PSG11: variants seen among roughly 807,000 people sequenced by gnomAD.
The protein encoded by PSG11 is pregnancy specific beta-1-glycoprotein 11, also known as pregnancy-specific beta-1-glycoprotein 11.
A neutral mutation model predicts 36.0 loss-of-function variants in PSG11; 42 were observed. The ratio of observed to expected loss-of-function variants is 1.17; its 90% CI spans 0.91 to 1.51. The LOEUF (loss-of-function observed/expected upper bound fraction) is 1.51. Among genes scored for constraint, PSG11 ranks in the 40% most tolerant of loss-of-function variants. The probability of loss-of-function intolerance (pLI) is 0.00; values close to 1 mark genes in which losing one functional copy is unlikely to be tolerated. For synonymous variants in PSG11, 206 were observed against 153.5 expected (o/e 1.34, Z -2.53); for missense variants, 558 against 403.5 (o/e 1.38, Z -3.28).
At chr19:43,025,873 G>T (rs867893214) in intron 1 of PSG11, among the ~76,000 whole-genome samples, 13 of 145,742 alleles carry the variant, frequency 8.9e-5, no homozygotes, top group African/African-American at 2.3e-4. Context: ...TGTCCCTCTT[G>T]GGTGTATTTT....
rs186147753 is a variant in PSG11 at position 43,018,354 on chromosome 19, A to G, written c.709+416T>C. The G allele has an allele frequency of 6.2e-4, 208 of 335,814 alleles. 9 individuals carry two copies. The highest frequency in any genetic ancestry group is 3.9e-3 in the African/African-American group (185 of 47,166). The allele number at this position is 335,814 out of a possible 1,614,324, so 20.8% of individuals were successfully genotyped here. On this transcript the variant is annotated intron_variant, in intron 3 of 5. Coordinates refer to ENST00000320078, the MANE Select transcript of PSG11 (RefSeq NM_002785.3). ...ATAGGTGTATGAGGAAGAAATGGTGAGGGCATCCAGGCCATCTGGAGCAAA... is the reference window on the plus strand; with the variant it reads ...ATAGGTGTATGAGGAAGAAATGGTGGGGGCATCCAGGCCATCTGGAGCAAA...
At chr19:43,025,646 G>T (rs2906092) in intron 1 of PSG11, among the ~76,000 whole-genome samples, 2 of 145,942 alleles carry the variant, frequency 1.4e-5, no homozygotes, top group East Asian at 3.9e-4. Context: ...GGCCGTCCAC[G>T]CCCTGGGTGT....
At chr19:43,021,999 C>T (rs942922669) in intron 2 of PSG11, among the ~76,000 whole-genome samples, 1 of 151,376 alleles carries the variant, frequency 6.6e-6, no homozygotes, top group African/African-American at 2.4e-5. Context: ...CAAGGCTAAC[C>T]TTGGGAGAAA....
chr19:43,023,327 G>A (rs1297107458), intron 2 of PSG11, among the ~76,000 whole-genome samples: 1 of 150,826 alleles, frequency 6.6e-6, no homozygotes, highest in Non-Finnish European at 1.5e-5. Flanking sequence ...TGTTATGTGA[G>A]AGCTCCTGAG....
chr19:43,009,871 C>A, intron 5 of PSG11, 87 bp downstream of exon 5: 1 of 1,060,024 alleles, frequency 9.4e-7, no homozygotes, highest in Non-Finnish European at 1.4e-6. Flanking sequence ...AGATCCAGGC[C>A]CAGATACAGG....
chr19:43,018,728 T>G, intron 3 of PSG11, 42 bp downstream of exon 3: 1 of 1,611,948 alleles, frequency 6.2e-7, no homozygotes, highest in Non-Finnish European at 8.5e-7. Flanking sequence ...CATGTGTATT[T>G]GGGATGGCAG....
intron 2 of PSG11, among the ~76,000 whole-genome samples, chr19:43,023,675 G>T (rs190097427): frequency 7.3e-5 from 11 of 151,252 alleles, no homozygotes; most frequent in African/African-American, 2.7e-4. Flanking sequence ...TCTGGTGGAG[G>T]AGAGGATGGG....
chr19:43,010,249 T>C, intron 4 of PSG11: 3 of 1,456,116 alleles, frequency 2.1e-6, no homozygotes, highest in Non-Finnish European at 2.7e-6. Flanking sequence ...CAGTCCTCTG[T>C]CAATTCTCTA....
Position 43,009,827 on chromosome 19 carries a change from G to T in PSG11, c.*40+131C>A, listed in dbSNP as rs188934941. The T allele has an allele frequency of 4.6e-4, 328 of 708,404 alleles. 13 individuals carry two copies. The African/African-American group carries it at 5.5e-3, about 12-fold the overall frequency. 43.9% of individuals were successfully genotyped at this position (708,404 alleles called of 1,614,324 possible). On this transcript the variant is annotated intron_variant, in intron 5 of 5. Transcript: ENST00000320078. ...GGGAGAAAGGGAACTGCAGGAATTA[G>T]TGCTGAGAAGCAGGAGTTAGTGGAT...
chr19:43,023,135 G>T (rs927727737), intron 2 of PSG11, among the ~76,000 whole-genome samples: 1 of 150,512 alleles, frequency 6.6e-6, no homozygotes, highest in African/African-American at 2.5e-5. Flanking sequence ...TGGCCAAAGA[G>T]CTTCAGAGTT....
At chr19:43,024,321 G>T in intron 2 of PSG11, 1 of 317,740 alleles carries the variant, frequency 3.1e-6, no homozygotes, top group Admixed American at 4.6e-5. Context: ...TTCTAGGGCT[G>T]AGCTTCTCTG....
chr19:43,008,071 G>C (rs1973975043), intron 5 of PSG11, 29 bp from the exon 6 acceptor site: 1 of 358,934 alleles, frequency 2.8e-6, no homozygotes, highest in African/African-American at 2.1e-5. Context: ...TTGGACTGTA[G>C]CTGATTTTAA....
At chr19:43,010,637 C>T (rs527658120) in intron 4 of PSG11, 2 of 285,276 alleles carry the variant, frequency 7.0e-6, no homozygotes. Flanking sequence ...ACTTCTTTCT[C>T]TTTCTTTTTC....
intron 4 of PSG11, chr19:43,014,748 T>C (rs547876703): frequency 2.4e-6 from 3 of 1,228,196 alleles, no homozygotes; most frequent in Non-Finnish European, 3.2e-6. Flanking sequence ...TTGTAGTTCA[T>C]GGAAGAGGTA....
chr19:43,018,905 T>A lies in PSG11; in HGVS notation c.574A>T (p.Arg192Trp), dbSNP rs1251023171. 1 of 1,611,958 alleles carries A rather than the reference T, an allele frequency of 6.2e-7. No individual in the cohort carries two copies. The highest frequency in any genetic ancestry group is 8.5e-7 in the Non-Finnish European group (1 of 1,179,088). The change falls in exon 3 of 6, where the codon AGG becomes TGG. Residue 192 changes from arginine (R) to tryptophan (W), a missense_variant. Arg to Trp is a moderately radical substitution (Grantham distance 101). Coordinates refer to ENST00000320078, the MANE Select transcript of PSG11 (RefSeq NM_002785.3). ...CTGTTGGTTTCAGACAGCTGCATCCTATGAGTCATAGGGAGGCTCTGACCA... is the reference window on the plus strand; with the variant it reads ...CTGTTGGTTTCAGACAGCTGCATCCAATGAGTCATAGGGAGGCTCTGACCA... ...MNGQSLPMTH[R>W]MQLSETNRTL...
chr19:43,022,123 T>A (rs1418870135), intron 2 of PSG11, among the ~76,000 whole-genome samples: 1 of 151,586 alleles, frequency 6.6e-6, no homozygotes, highest in Non-Finnish European at 1.5e-5. Context: ...CCATGAGATT[T>A]AGATTATAAG....
intron 1 of PSG11, among the ~76,000 whole-genome samples, 154 bp downstream of exon 1, chr19:43,026,155 C>T (rs1967249644): frequency 6.7e-6 from 1 of 150,164 alleles, no homozygotes; most frequent in Non-Finnish European, 1.5e-5. Context: ...GTTGGCTGGA[C>T]TGATCTTGAA....
At chr19:43,014,400 G>A (rs1966903163) in intron 4 of PSG11, 2 of 943,756 alleles carry the variant, frequency 2.1e-6, no homozygotes, top group South Asian at 4.9e-5. Context: ...TGTCCCACGT[G>A]CTGTGCCCAC....
chr19:43,012,749 A>T (rs576803613), intron 4 of PSG11, among the ~76,000 whole-genome samples: 2 of 151,534 alleles, frequency 1.3e-5, no homozygotes, highest in African/African-American at 4.9e-5. Flanking sequence ...TTCCTTCAGA[A>T]TCTCAGTGAC....
Sources: allele counts gnomAD v4.1 joint callset (sites outside exome capture counted in the v4.1 genomes callset), GRCh38; gene constraint gnomAD v4.1.1; transcripts MANE v1.5; gene names NCBI Gene and HGNC (gene_info 2026-07-23, HGNC 2026-07-21).